CEP63: variants seen among roughly 807,000 people sequenced by gnomAD.
The protein encoded by CEP63 is centrosomal protein 63.
Under a neutral mutation model 89.1 loss-of-function variants are expected in CEP63, and 84 were observed. That is an observed-to-expected ratio of 0.94 (90% CI 0.79 to 1.13). CEP63 has a LOEUF of 1.13. Ranked by LOEUF, CEP63 falls within the 50% of genes most tolerant of loss-of-function variation. CEP63 has a pLI of 0.00. For synonymous variants in CEP63, 267 were observed against 272.5 expected (o/e 0.98, Z 0.20); for missense variants, 838 against 813.3 (o/e 1.03, Z -0.37).
the CEP63 span, among the ~76,000 whole-genome samples, chr3:134,677,497 C>G: frequency 6.6e-6 from 1 of 152,154 alleles, no homozygotes; most frequent in African/African-American, 2.4e-5. Context: ...TGGTGCCCAC[C>G]TACCTCCATC....
chr3:134,607,715 A>G, the CEP63 span: 1 of 985,728 alleles, frequency 1.0e-6, no homozygotes, highest in Non-Finnish European at 1.2e-6. Flanking sequence ...GTGCAAACAT[A>G]CTCAGCTGCC....
chr3:134,639,949 CAAAAAAAAAAA>C, the CEP63 span: 8 of 49,742 alleles, frequency 1.6e-4, no homozygotes, highest in East Asian at 2.8e-3. Flanking sequence ...CACCCTGTCT[CAAAAAAAAAAA>C]AAAAAAAAAA....
the CEP63 span, among the ~76,000 whole-genome samples, chr3:134,661,302 T>A: frequency 6.6e-6 from 1 of 152,216 alleles, no homozygotes; most frequent in Non-Finnish European, 1.5e-5. Context: ...GACACCACTG[T>A]GCAAACCATC....
downstream of CEP63, among the ~76,000 whole-genome samples, chr3:134,590,635 A>C (rs1001190519): frequency 6.6e-6 from 1 of 152,182 alleles, no homozygotes; most frequent in African/African-American, 2.4e-5. Flanking sequence ...ACACATCAAT[A>C]CTTGGCATTT....
At chr3:134,691,990 G>A in the CEP63 span, among the ~76,000 whole-genome samples, 95 of 152,286 alleles carry the variant, frequency 6.2e-4, no homozygotes, top group African/African-American at 2.1e-3. Flanking sequence ...GATTACAGGC[G>A]TGAGCCACCA....
At chr3:134,695,950 G>A in the CEP63 span, among the ~76,000 whole-genome samples, 1 of 152,214 alleles carries the variant, frequency 6.6e-6, no homozygotes, top group African/African-American at 2.4e-5. Flanking sequence ...GACAGGTTAA[G>A]TAGAACAACT....
At chr3:134,740,696 C>T in the CEP63 span, among the ~76,000 whole-genome samples, 3 of 152,142 alleles carry the variant, frequency 2.0e-5, no homozygotes, top group African/African-American at 7.2e-5. Flanking sequence ...GCTCTTGATC[C>T]CCAAGCTGTT....
chr3:134,604,516 C>T, the CEP63 span: 64 of 1,510,346 alleles, frequency 4.2e-5, no homozygotes, highest in Non-Finnish European at 2.9e-5. Flanking sequence ...GGGTCCAGCA[C>T]GTGCTGATGT....
chr3:134,683,936 C>A, the CEP63 span, among the ~76,000 whole-genome samples: 1 of 152,118 alleles, frequency 6.6e-6, no homozygotes, highest in East Asian at 1.9e-4. Context: ...ATGGGTTAGA[C>A]CCCAGCCACA....
chr3:134,560,059 C>G (rs1226983806), intron 14 of CEP63, among the ~76,000 whole-genome samples: 1 of 152,222 alleles, frequency 6.6e-6, no homozygotes, highest in Admixed American at 6.5e-5. Context: ...TATTAATGTG[C>G]TACCAAGTCC....
At chr3:134,560,401 G>T (rs1006726278) in intron 14 of CEP63, among the ~76,000 whole-genome samples, 1 of 152,204 alleles carries the variant, frequency 6.6e-6, no homozygotes, top group African/African-American at 2.4e-5. Flanking sequence ...ACAGTAATTC[G>T]TGGACATATG....
chr3:134,629,089 C>T, the CEP63 span, among the ~76,000 whole-genome samples: 2 of 152,120 alleles, frequency 1.3e-5, no homozygotes, highest in African/African-American at 2.4e-5. Context: ...TCGTCCTGGG[C>T]CTGGGCCTAT....
chr3:134,569,949 A>C (rs1957948157), downstream of CEP63, among the ~76,000 whole-genome samples: 1 of 152,204 alleles, frequency 6.6e-6, no homozygotes, highest in Non-Finnish European at 1.5e-5. Flanking sequence ...ACCACATGGA[A>C]TCTGCTAAGG....
downstream of CEP63, among the ~76,000 whole-genome samples, chr3:134,588,883 G>A (rs925702584): frequency 2.6e-5 from 4 of 152,000 alleles, no homozygotes; most frequent in Admixed American, 1.3e-4. Flanking sequence ...ATAATAAAAA[G>A]CAAACAAGTG....
the CEP63 span, among the ~76,000 whole-genome samples, chr3:134,698,657 G>A: frequency 2.0e-5 from 3 of 152,182 alleles, no homozygotes; most frequent in Admixed American, 2.0e-4. Context: ...CTAACTCCAG[G>A]GTGGAGTGGG....
At chr3:134,649,323 T>C in the CEP63 span, among the ~76,000 whole-genome samples, 2 of 152,204 alleles carry the variant, frequency 1.3e-5, no homozygotes, top group African/African-American at 4.8e-5. Context: ...GCAGTCCTGA[T>C]GCCTGGTGTT....
the CEP63 span, among the ~76,000 whole-genome samples, chr3:134,669,414 G>A: frequency 9.9e-5 from 15 of 152,182 alleles, no homozygotes; most frequent in Admixed American, 3.3e-4. Flanking sequence ...CACTCCCTCC[G>A]CCCTGATACT....
At chr3:134,597,075 T>C in the CEP63 span, among the ~76,000 whole-genome samples, 1 of 152,048 alleles carries the variant, frequency 6.6e-6, no homozygotes, top group Non-Finnish European at 1.5e-5. Context: ...GGGAGAGTGA[T>C]GGGAGACAAA....
intron 11 of CEP63, among the ~76,000 whole-genome samples, chr3:134,551,637 C>T (rs1954843211): frequency 6.6e-6 from 1 of 151,424 alleles, no homozygotes; most frequent in African/African-American, 2.4e-5. Flanking sequence ...GCTGCTTTGT[C>T]ACCTGATTTA....
Sources: gnomAD v4.1 joint callset for allele counts (sites outside exome capture counted in the v4.1 genomes callset) on GRCh38, gnomAD v4.1.1 for gene constraint, MANE v1.5 for transcripts, NCBI Gene and HGNC (gene_info 2026-07-23, HGNC 2026-07-21) for gene names.